SPAG6: variants seen among roughly 807,000 people sequenced by gnomAD.
SPAG6 encodes sperm associated antigen 6, also known as sperm-associated antigen 6.
A neutral mutation model predicts 58.5 loss-of-function variants in SPAG6; 49 were observed. That is an observed-to-expected ratio of 0.84 (90% CI 0.67 to 1.06). The LOEUF is 1.06. Among genes scored for constraint, SPAG6 ranks in the 50% least tolerant of loss-of-function variants. SPAG6 has a pLI of 0.00. For synonymous variants in SPAG6, 233 were observed against 225.6 expected, an observed-to-expected ratio of 1.03 and a Z score of -0.29; for missense variants, 560 against 611.3, an observed-to-expected ratio of 0.92 and a Z score of 0.89.
At chr10:22,396,492 T>C (rs796786952) in intron 8 of SPAG6, among the ~76,000 whole-genome samples, 11 of 152,298 alleles carry the variant, frequency 7.2e-5, no homozygotes, top group African/African-American at 2.6e-4. Context: ...TATGTCTTTA[T>C]CAGCTGCATG....
chr10:22,413,066 C>CAATAA (rs1834779232), intron 10 of SPAG6: 1 of 43,316 alleles, frequency 2.3e-5, no homozygotes, highest in African/African-American at 8.7e-5. Context: ...CAGAAAGATG[C>CAATAA]AAAAAAAAAA....
chr10:22,375,751 G>C (rs1457330194), intron 4 of SPAG6, among the ~76,000 whole-genome samples: 2 of 151,764 alleles, frequency 1.3e-5, no homozygotes, highest in Non-Finnish European at 2.9e-5. Context: ...GCTAATTTTT[G>C]TATTTTTAGT....
chr10:22,388,603 T>A (rs1211171032), intron 6 of SPAG6, among the ~76,000 whole-genome samples: 1 of 152,212 alleles, frequency 6.6e-6, no homozygotes, highest in Non-Finnish European at 1.5e-5. Context: ...GATTCTGAAG[T>A]ATCTTTTTTC....
Position 22,416,621 on chromosome 10 carries a change from A to G in SPAG6, c.1463A>G (p.Tyr488Cys), listed in dbSNP as rs1416730809. ...NSCYPEEIVR[Y>C]YSPGYSDTLL... The stretch of plus-strand genomic sequence containing the variant: ...TAATAGTGTATTTTCTTTTTCAGGT[A>G]TTATTCCCCTGGATATTCAGATACA... Residue 488 changes from tyrosine (Y) to cysteine (C), a missense_variant and splice_region_variant, in exon 11 of 11, where the codon TAT becomes TGT. By Grantham distance (194) the Tyr-to-Cys change is radical (BLOSUM62 -2). Transcript: ENST00000376624. The G allele has an allele frequency of 1.3e-6, 2 of 1,597,800 alleles. No individual in the cohort carries two copies. Among genetic ancestry groups the G allele is most frequent in the South Asian group, 2.2e-5 (2 of 90,656 alleles).
chr10:22,360,835 C>T lies in SPAG6; in HGVS notation c.122-4018C>T, dbSNP rs916913205. The T allele has an allele frequency of 7.8e-6, 12 of 1,532,330 alleles. No homozygotes were observed. In the African/African-American group the frequency reaches 1.2e-4, roughly 16 times the overall value. The allele number at this position is 1,532,330 out of a possible 1,614,324, so 94.9% of individuals were successfully genotyped here. On this transcript the variant is annotated intron_variant, in intron 2 of 10. Transcript: ENST00000376624. ...CTCTAAATTTCCATGCATTCACTCA[C>T]CATGGATCTCTGGATACCTAATGGA...
chr10:22,407,283 T>G (rs1318674580), intron 9 of SPAG6, among the ~76,000 whole-genome samples: 4 of 152,178 alleles, frequency 2.6e-5, no homozygotes, highest in African/African-American at 4.8e-5. Flanking sequence ...TATCGGTTGT[T>G]TCTTTCCATG....
chr10:22,362,954 C>T (rs946543240), intron 2 of SPAG6, among the ~76,000 whole-genome samples: 2 of 152,014 alleles, frequency 1.3e-5, no homozygotes, highest in African/African-American at 4.8e-5. Flanking sequence ...CATCCATATT[C>T]GGATAGCTGT....
chr10:22,379,480 C>T (rs1170511068), intron 4 of SPAG6, among the ~76,000 whole-genome samples: 1 of 152,204 alleles, frequency 6.6e-6, no homozygotes, highest in African/African-American at 2.4e-5. Context: ...TTTTGAATCA[C>T]TCACTTTGGA....
chr10:22,382,085 C>T (rs1833970210), intron 4 of SPAG6, among the ~76,000 whole-genome samples: 1 of 152,024 alleles, frequency 6.6e-6, no homozygotes, highest in Non-Finnish European at 1.5e-5. Context: ...GTCTTGTCAC[C>T]CCAAGTTTTT....
At chr10:22,414,773 T>A (rs1834829224) in intron 10 of SPAG6, among the ~76,000 whole-genome samples, 1 of 152,206 alleles carries the variant, frequency 6.6e-6, no homozygotes, top group South Asian at 2.1e-4. Flanking sequence ...CTTAAATTAA[T>A]TAATTTTTTT....
At chr10:22,356,266 T>A (rs1167404983) in intron 2 of SPAG6, among the ~76,000 whole-genome samples, 1 of 152,246 alleles carries the variant, frequency 6.6e-6, no homozygotes, top group Non-Finnish European at 1.5e-5. Flanking sequence ...TAACATGCTG[T>A]GTCAAGGATG....
chr10:22,402,747 A>G (rs1201179189), intron 9 of SPAG6, among the ~76,000 whole-genome samples: 1 of 152,198 alleles, frequency 6.6e-6, no homozygotes, highest in Non-Finnish European at 1.5e-5. Context: ...GAAAAGACTA[A>G]ATTACTGCAA....
intron 2 of SPAG6, among the ~76,000 whole-genome samples, chr10:22,364,079 A>T (rs891346259): frequency 1.3e-5 from 2 of 152,182 alleles, no homozygotes; most frequent in African/African-American, 4.8e-5. Context: ...CCACCTCCTC[A>T]GTTTTCAATA....
intron 2 of SPAG6, among the ~76,000 whole-genome samples, chr10:22,353,394 G>T (rs1836784365): frequency 1.3e-5 from 2 of 152,236 alleles, no homozygotes; most frequent in South Asian, 4.1e-4. Flanking sequence ...TTAAAATAGA[G>T]TTTTGTCTAT....
At chr10:22,360,853 C>T in intron 2 of SPAG6, 1 of 1,523,660 alleles carries the variant, frequency 6.6e-7, no homozygotes, top group Non-Finnish European at 8.8e-7. Context: ...CTCTGGATAC[C>T]TAATGGACAG....
intron 4 of SPAG6, among the ~76,000 whole-genome samples, chr10:22,379,656 A>C (rs969032278): frequency 3.9e-5 from 6 of 152,236 alleles, no homozygotes; most frequent in African/African-American, 1.4e-4. Flanking sequence ...TGAACCTGGC[A>C]GGTAAGCCAC....
intron 9 of SPAG6, among the ~76,000 whole-genome samples, chr10:22,409,831 T>G (rs1834685035): frequency 6.6e-6 from 1 of 152,174 alleles, no homozygotes; most frequent in Admixed American, 6.5e-5. Context: ...CACTGGCTTT[T>G]TCCTGTCAAC....
At chr10:22,366,682 A>T (rs1458197192) in intron 3 of SPAG6, among the ~76,000 whole-genome samples, 1 of 152,174 alleles carries the variant, frequency 6.6e-6, no homozygotes, top group Admixed American at 6.5e-5. Flanking sequence ...GGAGTCACAG[A>T]AATTTTATTT....
chr10:22,373,916 T>C (rs1475915119), intron 4 of SPAG6, among the ~76,000 whole-genome samples: 2 of 152,222 alleles, frequency 1.3e-5, no homozygotes, highest in African/African-American at 2.4e-5. Flanking sequence ...CTATGTTTTT[T>C]GGGCATAGAG....
Sources: allele counts gnomAD v4.1 joint callset (sites outside exome capture counted in the v4.1 genomes callset), GRCh38; gene constraint gnomAD v4.1.1; transcripts MANE v1.5; gene names NCBI Gene and HGNC (gene_info 2026-07-23, HGNC 2026-07-21).